COL5A2: variants seen among roughly 807,000 people sequenced by gnomAD.
COL5A2 encodes the protein collagen alpha-2(V) chain.
A neutral mutation model predicts 208.2 loss-of-function variants in COL5A2; 23 were observed. The observed-to-expected ratio is 0.11, with a 90% CI of 0.08 to 0.16. COL5A2 has a LOEUF of 0.16. Ranked by LOEUF, COL5A2 falls within the 10% of genes least tolerant of loss-of-function variation. The pLI is 1.00. For missense variants in COL5A2, 1,590 were observed against 1,956.4 expected (o/e 0.81, Z 3.53); for synonymous variants, 625 against 628.5 (o/e 0.99, Z 0.08).
At chr2:189,283,339 G>A in the COL5A2 span, among the ~76,000 whole-genome samples, 1 of 151,890 alleles carries the variant, frequency 6.6e-6, no homozygotes, top group East Asian at 1.9e-4. Context: ...AAAGAAAAGA[G>A]AAAACGTTAC....
intron 1 of COL5A2, among the ~76,000 whole-genome samples, chr2:189,122,725 G>C (rs1227369389): frequency 6.6e-6 from 1 of 152,138 alleles, no homozygotes; most frequent in African/African-American, 2.4e-5. Flanking sequence ...CCTGATACAT[G>C]AAATGCTTGC....
chr2:189,387,471 C>T, the COL5A2 span, among the ~76,000 whole-genome samples: 1 of 151,970 alleles, frequency 6.6e-6, no homozygotes, highest in Admixed American at 6.6e-5. Context: ...TAAAATAAAA[C>T]TTTAAAAAGG....
chr2:189,343,562 C>T, the COL5A2 span, among the ~76,000 whole-genome samples: 1 of 152,086 alleles, frequency 6.6e-6, no homozygotes, highest in South Asian at 2.1e-4. Flanking sequence ...CACCTACAAG[C>T]ATTTATCCTA....
chr2:189,291,015 T>C, the COL5A2 span, among the ~76,000 whole-genome samples: 8 of 152,280 alleles, frequency 5.3e-5, 1 homozygote, highest in South Asian at 1.7e-3. Context: ...CAGAGTTTTC[T>C]ATACTGGTCT....
the COL5A2 span, among the ~76,000 whole-genome samples, chr2:189,249,891 T>G: frequency 6.6e-6 from 1 of 152,204 alleles, no homozygotes; most frequent in African/African-American, 2.4e-5. Context: ...AGAGATGGGT[T>G]TTCGCCATGT....
the COL5A2 span, among the ~76,000 whole-genome samples, chr2:189,308,839 G>A: frequency 6.6e-6 from 1 of 152,166 alleles, no homozygotes; most frequent in Non-Finnish European, 1.5e-5. Flanking sequence ...ATTGACTGAT[G>A]TCTTAAGTCT....
chr2:189,251,137 C>A, the COL5A2 span, among the ~76,000 whole-genome samples: 1 of 151,412 alleles, frequency 6.6e-6, no homozygotes, highest in Non-Finnish European at 1.5e-5. Context: ...TGGCTCTACA[C>A]AATAAAAAAT....
chr2:189,049,254 T>C, intron 44 of COL5A2, 93 bp downstream of exon 44: 2 of 860,708 alleles, frequency 2.3e-6, no homozygotes, highest in East Asian at 5.3e-5. Context: ...AGGTCAAATA[T>C]GCAATAAAAT....
the COL5A2 span, among the ~76,000 whole-genome samples, chr2:189,327,242 CAT>C: frequency 6.6e-6 from 1 of 152,066 alleles, no homozygotes; most frequent in Non-Finnish European, 1.5e-5. Flanking sequence ...TCACTTAAAA[CAT>C]AGGCTTTCTC....
chr2:189,099,502 G>C (rs1451525843), intron 4 of COL5A2, among the ~76,000 whole-genome samples: 1 of 152,148 alleles, frequency 6.6e-6, no homozygotes, highest in Non-Finnish European at 1.5e-5. Context: ...GCTCTTGCCT[G>C]TAGTCCCAGC....
At chr2:189,312,215 C>T in the COL5A2 span, among the ~76,000 whole-genome samples, 2 of 152,176 alleles carry the variant, frequency 1.3e-5, no homozygotes, top group African/African-American at 4.8e-5. Context: ...TTTTGCTCTC[C>T]AGCTTCCTGT....
the COL5A2 span, among the ~76,000 whole-genome samples, chr2:189,335,036 G>A: frequency 6.6e-6 from 1 of 151,770 alleles, no homozygotes; most frequent in Admixed American, 6.6e-5. Flanking sequence ...AAAAATCCTT[G>A]GCAGTTACTT....
intron 45 of COL5A2, 39 bp from the exon 46 acceptor site, chr2:189,045,946 T>C: frequency 6.4e-7 from 1 of 1,552,030 alleles, no homozygotes; most frequent in Non-Finnish European, 8.9e-7. Context: ...TTAACATTTA[T>C]TCTAAAACAA....
intron 1 of COL5A2, among the ~76,000 whole-genome samples, chr2:189,171,179 G>A (rs1256248121): frequency 4.6e-5 from 7 of 152,072 alleles, no homozygotes; most frequent in Non-Finnish European, 7.4e-5. Flanking sequence ...TTATTTTGAG[G>A]CTGAGAATGA....
the COL5A2 span, among the ~76,000 whole-genome samples, chr2:189,319,754 C>T: frequency 6.6e-6 from 1 of 152,224 alleles, no homozygotes; most frequent in Non-Finnish European, 1.5e-5. Flanking sequence ...CGTAGCCGAA[C>T]AAAAGGCAGC....
At chr2:189,253,467 G>A in the COL5A2 span, among the ~76,000 whole-genome samples, 1 of 152,342 alleles carries the variant, frequency 6.6e-6, no homozygotes, top group African/African-American at 2.4e-5. Flanking sequence ...AGTGCTTTAT[G>A]AATGTTAGCT....
chr2:189,392,662 G>C, the COL5A2 span, among the ~76,000 whole-genome samples: 1 of 152,116 alleles, frequency 6.6e-6, no homozygotes, highest in Non-Finnish European at 1.5e-5. Context: ...GCAGGGAGGA[G>C]GTAGGGAAGA....
At chr2:189,243,360 T>C in the COL5A2 span, among the ~76,000 whole-genome samples, 1 of 152,162 alleles carries the variant, frequency 6.6e-6, no homozygotes, top group Non-Finnish European at 1.5e-5. Flanking sequence ...AACTGGGTAA[T>C]TTATACAAGA....
intron 1 of COL5A2, among the ~76,000 whole-genome samples, chr2:189,142,491 C>G (rs1687952293): frequency 6.6e-6 from 1 of 152,020 alleles, no homozygotes; most frequent in Non-Finnish European, 1.5e-5. Flanking sequence ...ATTAAGCACT[C>G]AATAAATGGT....
Sources: allele counts gnomAD v4.1 joint callset (sites outside exome capture counted in the v4.1 genomes callset), GRCh38; gene constraint gnomAD v4.1.1; transcripts MANE v1.5; gene names NCBI Gene and HGNC (gene_info 2026-07-23, HGNC 2026-07-21).